Variants in RSPH10B observed in about 807,000 individuals in gnomAD.
RSPH10B encodes the protein radial spoke head 10 homolog B, also known as radial spoke head 10 homolog B (Chlamydomonas).
In RSPH10B, 7 loss-of-function variants were observed where a neutral mutation model predicts 52.5. The observed-to-expected ratio is 0.13, with a 90% CI of 0.08 to 0.25. The LOEUF is 0.25. Ranked by LOEUF, RSPH10B falls within the 10% of genes least tolerant of loss-of-function variation. The probability of loss-of-function intolerance (pLI) is 1.00; values close to 1 mark genes in which losing one functional copy is unlikely to be tolerated. For synonymous variants in RSPH10B, 28 were observed against 193.2 expected, an observed-to-expected ratio of 0.14 and a Z score of 7.09; for missense variants, 89 against 542.5, an observed-to-expected ratio of 0.16 and a Z score of 8.30.
intron 13 of RSPH10B, among the ~76,000 whole-genome samples, chr7:5,942,482 G>A (rs28414664): frequency 1.1e-4 from 15 of 132,054 alleles, no homozygotes; most frequent in Admixed American, 4.9e-4. Flanking sequence ...CTCCTGCCTC[G>A]GCCTCCCAAA....
Position 5,931,996 on chromosome 7 carries a change from GAAAAA to G in RSPH10B, c.2233+781_2233+785del, listed in dbSNP as rs1779799583. 1.3e-5 allele frequency among the ~76,000 whole-genome samples: 2 copies of G among 150,702 alleles called. 1 individual carries two copies. The highest frequency in any genetic ancestry group is 3.0e-5 in the Non-Finnish European group (2 of 67,612). On this transcript the variant is annotated intron_variant, in intron 17 of 18. Transcript: ENST00000337579. ...AAAGTAAAACCCTGTCTCAAAAAAA[GAAAAA>G]GAAAAGAAAAGAAAAGGGGAAACAC...
intron 1 of RSPH10B, among the ~76,000 whole-genome samples, chr7:5,966,504 A>C (rs1781111834): frequency 2.4e-5 from 2 of 84,812 alleles, no homozygotes; most frequent in South Asian, 7.2e-4. Flanking sequence ...AAATACATAA[A>C]ATTACCTTCA....
intron 13 of RSPH10B, among the ~76,000 whole-genome samples, chr7:5,941,745 A>G (rs1780200942): frequency 7.1e-6 from 1 of 141,282 alleles, no homozygotes; most frequent in Non-Finnish European, 1.6e-5. Flanking sequence ...TTTGTCTAAA[A>G]AAAAAAAAGT....
rs1397332030 is a variant in RSPH10B, at chr7:5,928,620, G to A, written c.2234-226C>T. ...TTCCCTTTGAGTTTCCTGCTACCTCGTTTTTTCTTTTTTGTTTTTTTTTTT... is the reference window on the plus strand; with the variant it reads ...TTCCCTTTGAGTTTCCTGCTACCTCATTTTTTCTTTTTTGTTTTTTTTTTT... On this transcript the variant is annotated intron_variant, in intron 17 of 18. Transcript: ENST00000337579. 1.2e-4 allele frequency among the ~76,000 whole-genome samples: 17 copies of A among 142,150 alleles called. 1 individual carries two copies. Among genetic ancestry groups the A allele is most frequent in the African/African-American group, 4.3e-4 (16 of 37,644 alleles). 93.3% of individuals were successfully genotyped at this position (142,150 alleles called of 152,430 possible).
At chr7:5,928,220 A>G in exon 18 of RSPH10B, 1 of 1,613,156 alleles carries the variant, frequency 6.2e-7, no homozygotes, top group Non-Finnish European at 8.5e-7. Context: ...GTCATCTTCC[A>G]TCTTCCGCTG....
At chr7:5,941,730 G>T (rs62454679) in intron 13 of RSPH10B, among the ~76,000 whole-genome samples, 1 of 129,688 alleles carries the variant, frequency 7.7e-6, no homozygotes, top group East Asian at 2.1e-4. Context: ...GCAAAAGAGC[G>T]AGACTTTGTC....
At position 5,943,476 on chromosome 7, in the gene RSPH10B, A is replaced by G. The variant is rs1298251279; in HGVS notation, c.1610-4T>C. 6.2e-7 allele frequency: 1 copy of G among 1,604,370 alleles called. No individual in the cohort carries two copies. The highest frequency in any genetic ancestry group is 1.1e-5 in the South Asian group (1 of 90,614). Reference sequence around the variant, plus strand: ...TGTTGCTCACGGAATAAATTGCCTAAAAATACAACGTTCGAAAAATGATTA... The same window carrying G: ...TGTTGCTCACGGAATAAATTGCCTAGAAATACAACGTTCGAAAAATGATTA... On this transcript the variant is annotated splice_region_variant and splice_polypyrimidine_tract_variant and intron_variant, in intron 12 of 18. Coordinates refer to ENST00000337579, the Ensembl canonical transcript of RSPH10B.
At chr7:5,927,665 G>C (rs1380093192) in intron 18 of RSPH10B, among the ~76,000 whole-genome samples, 1 of 146,452 alleles carries the variant, frequency 6.8e-6, no homozygotes, top group Non-Finnish European at 1.5e-5. Flanking sequence ...GCTGCATGCA[G>C]TGACTCACCC....
chr7:5,927,476 C>T (rs1204474935), intron 18 of RSPH10B, among the ~76,000 whole-genome samples: 2 of 103,474 alleles, frequency 1.9e-5, no homozygotes, highest in Non-Finnish European at 3.8e-5. Context: ...CTCTCCCTTC[C>T]TGGGAGGTTG....
intron 18 of RSPH10B, among the ~76,000 whole-genome samples, chr7:5,926,933 T>G (rs1270505527): frequency 6.7e-6 from 1 of 149,738 alleles, no homozygotes; most frequent in Non-Finnish European, 1.5e-5. Flanking sequence ...ATTTTGTATT[T>G]TTAGTAGAGA....
At chr7:5,966,349 C>A (rs1372535846) in intron 1 of RSPH10B, among the ~76,000 whole-genome samples, 1 of 112,760 alleles carries the variant, frequency 8.9e-6, no homozygotes, top group Non-Finnish European at 1.9e-5. Flanking sequence ...ACAATAAACT[C>A]TATATATACA....
At chr7:5,929,156 C>T (rs1411122051) in intron 17 of RSPH10B, among the ~76,000 whole-genome samples, 1 of 145,846 alleles carries the variant, frequency 6.9e-6, no homozygotes, top group Non-Finnish European at 1.5e-5. Context: ...AGAATACAGG[C>T]ATGTACCACC....
Position 5,941,777 on chromosome 7 carries a change from A to G in RSPH10B, c.1758+1547T>C, listed in dbSNP as rs1583223720. ...AAGTATCATGGAACAAAAACAACCA[A>G]TAGTTAGTATGAGAACATTGTATAA... On this transcript the variant is annotated intron_variant, in intron 13 of 18. Coordinates refer to ENST00000337579, the Ensembl canonical transcript of RSPH10B. Among the ~76,000 whole-genome samples the G allele has an allele frequency of 2.1e-5, 3 of 141,472 alleles. 1 individual carries two copies. The highest frequency in any genetic ancestry group is 7.7e-5 in the African/African-American group (3 of 38,948). The allele number at this position is 141,472 out of a possible 152,430, so 92.8% of individuals were successfully genotyped here. A position where few individuals can be genotyped will look rare whatever the true frequency, so the allele number is the denominator to read the frequency against.
chr7:5,955,191 A>T (rs1780711543), intron 7 of RSPH10B, among the ~76,000 whole-genome samples: 1 of 124,992 alleles, frequency 8.0e-6, no homozygotes, highest in Admixed American at 8.0e-5. Flanking sequence ...AAGTCATGTA[A>T]TCACCTTAGC....
intron 18 of RSPH10B, among the ~76,000 whole-genome samples, chr7:5,927,045 G>GTGTGTGTGTGTGTCTA (rs71762251): frequency 8.1e-6 from 1 of 122,960 alleles, no homozygotes; most frequent in African/African-American, 2.9e-5. Flanking sequence ...GTGTGTGTGT[G>GTGTGTGTGTGTGTCTA]TATTATGTGT....
At chr7:5,947,934 C>T (rs1455143018) in intron 10 of RSPH10B, among the ~76,000 whole-genome samples, 2 of 78,102 alleles carry the variant, frequency 2.6e-5, no homozygotes, top group Admixed American at 1.3e-4. Context: ...TGCAATGGCA[C>T]AATCTTGGCT....
In RSPH10B at chr7:5,943,434, T is replaced by C. The variant is rs372206485; in HGVS notation, c.1648A>G (p.Met550Val). 43 of 1,597,534 alleles carry C rather than the reference T, an allele frequency of 2.7e-5. No homozygotes were observed. In the African/African-American group the frequency reaches 5.4e-4, roughly 20 times the overall value. Residue 550 changes from methionine (M) to valine (V), a missense_variant, in exon 13 of 19, where the codon ATG becomes GTG. Physicochemically the swap from Met to Val is conservative, Grantham distance 21. Transcript: ENST00000337579. ...TCCCAGCACTTATTCATGTAACTCA[T>C]AGAGTAGAGCGTCCGCTGTTGCTCA...
At chr7:5,968,837 G>T (rs1376725638), upstream of RSPH10B, among the ~76,000 whole-genome samples, 931 of 41,932 alleles carry the variant, frequency 0.022, 14 homozygotes, top group Middle Eastern at 0.035. Flanking sequence ...TTTTGGGTTT[G>T]TTTTTTTTTT....
At chr7:5,943,114 C>T in intron 13 of RSPH10B, 1 of 1,093,880 alleles carries the variant, frequency 9.1e-7, no homozygotes, top group Non-Finnish European at 1.3e-6. Context: ...AATCTGTTAG[C>T]ATATTGGGCA....
Sources: allele counts gnomAD v4.1 joint callset (sites outside exome capture counted in the v4.1 genomes callset), GRCh38; gene constraint gnomAD v4.1.1; transcripts MANE v1.5; gene names NCBI Gene and HGNC (gene_info 2026-07-23, HGNC 2026-07-21).